MICU1: variants seen among roughly 807,000 people sequenced by gnomAD.
The protein encoded by MICU1 is calcium uptake protein 1, mitochondrial.
A neutral mutation model predicts 56.8 loss-of-function variants in MICU1; 45 were observed. The observed-to-expected ratio is 0.79, with a 90% CI of 0.62 to 1.02. The LOEUF is 1.02. MICU1 is among the 50% of genes least tolerant of loss of function. The pLI is 0.00. For synonymous variants in MICU1, 186 were observed against 195.1 expected (o/e 0.95, Z 0.39); for missense variants, 504 against 587.1 (o/e 0.86, Z 1.46).
intron 1 of MICU1, among the ~76,000 whole-genome samples, chr10:72,583,445 T>G (rs1290651336): frequency 6.6e-6 from 1 of 152,108 alleles, no homozygotes; most frequent in Admixed American, 6.6e-5. Context: ...CACACCTGGC[T>G]AATTTTTGTA....
intron 3 of MICU1, 57 bp downstream of exon 3, chr10:72,562,838 T>C (rs1426432953): frequency 1.5e-6 from 2 of 1,323,156 alleles, no homozygotes; most frequent in Admixed American, 6.3e-5. Context: ...AAGATTGAAC[T>C]GCATTATTCT....
chr10:72,444,351 AC>A (rs1459078437), intron 8 of MICU1, among the ~76,000 whole-genome samples: 2 of 151,818 alleles, frequency 1.3e-5, no homozygotes, highest in Non-Finnish European at 2.9e-5. Flanking sequence ...GTGCACATGT[AC>A]CCTAAAACTT....
chr10:72,412,811 A>G (rs1230483512), intron 9 of MICU1, among the ~76,000 whole-genome samples: 1 of 149,558 alleles, frequency 6.7e-6, no homozygotes, highest in African/African-American at 2.5e-5. Context: ...AGATTGCGCC[A>G]TTGCACTCCA....
chr10:72,393,604 T>C (rs1863151408), intron 10 of MICU1, among the ~76,000 whole-genome samples: 1 of 152,162 alleles, frequency 6.6e-6, no homozygotes, highest in Non-Finnish European at 1.5e-5. Flanking sequence ...ATGGCATAGG[T>C]AGCCCTGTGT....
chr10:72,472,271 C>G (rs1655368796), intron 8 of MICU1, among the ~76,000 whole-genome samples: 1 of 152,156 alleles, frequency 6.6e-6, no homozygotes, highest in Non-Finnish European at 1.5e-5. Flanking sequence ...ACGTCGCTAA[C>G]TAGAATATTT....
At chr10:72,375,960 T>C (rs994185814) in intron 10 of MICU1, 88 bp from the exon 11 acceptor site, 1 of 1,231,744 alleles carries the variant, frequency 8.1e-7, no homozygotes, top group African/African-American at 1.5e-5. Context: ...TCAGTCATAA[T>C]ACAAGTTTTC....
intron 1 of MICU1, among the ~76,000 whole-genome samples, chr10:72,610,831 A>G (rs187033945): frequency 3.4e-4 from 52 of 152,316 alleles, no homozygotes; most frequent in African/African-American, 9.6e-4. Context: ...GAGGGTGAAT[A>G]CAGAGGGGCA....
intron 8 of MICU1, among the ~76,000 whole-genome samples, chr10:72,457,284 C>T (rs1261508616): frequency 1.3e-5 from 2 of 149,244 alleles, no homozygotes; most frequent in Non-Finnish European, 3.0e-5. Context: ...AGGGCGCAAT[C>T]ACAGCTCACT....
intron 5 of MICU1, among the ~76,000 whole-genome samples, chr10:72,524,140 A>AC (rs1185696275): frequency 1.3e-5 from 2 of 152,132 alleles, no homozygotes; most frequent in African/African-American, 4.8e-5. Context: ...TTTTTGTTTT[A>AC]GAGACAGGGT....
At chr10:72,497,335 G>T (rs1395556248) in intron 6 of MICU1, among the ~76,000 whole-genome samples, 1 of 152,176 alleles carries the variant, frequency 6.6e-6, no homozygotes, top group East Asian at 1.9e-4. Context: ...TGGGATTACA[G>T]GTGTGAGCCA....
At position 72,566,493 on chromosome 10, in the gene MICU1, G is replaced by A; in HGVS notation, c.161+140C>T. The A allele has an allele frequency of 1.2e-5, 10 of 840,030 alleles. No individual in the cohort carries two copies. In the South Asian group the frequency reaches 1.3e-4, roughly 11 times the overall value. 52.0% of individuals were successfully genotyped at this position (840,030 alleles called of 1,614,324 possible). ...ATTCTTTGAAACATCTTATTTCATA[G>A]ACGAATATTAACAATACCAAATGAT... is the stretch of plus-strand genomic sequence containing the variant. On this transcript the variant is annotated intron_variant, in intron 2 of 11. Coordinates refer to ENST00000361114, the MANE Select transcript of MICU1 (RefSeq NM_001195518.2).
chr10:72,456,946 GGTGTGTGTGTGTGTGTGT>G (rs71018292), intron 8 of MICU1, among the ~76,000 whole-genome samples: 22 of 117,698 alleles, frequency 1.9e-4, no homozygotes, highest in Admixed American at 1.7e-3. Flanking sequence ...ATATTGCCCA[GGTGTGTGTGTGTGTGTGT>G]GTGTGTGTGT....
intron 5 of MICU1, among the ~76,000 whole-genome samples, chr10:72,528,999 C>T (rs909847620): frequency 4.6e-5 from 7 of 152,150 alleles, no homozygotes; most frequent in Non-Finnish European, 7.4e-5. Context: ...TCCATCTGTT[C>T]CTCTACTAAT....
intron 8 of MICU1, among the ~76,000 whole-genome samples, chr10:72,425,436 G>C (rs1013158252): frequency 2.6e-5 from 4 of 152,208 alleles, no homozygotes; most frequent in African/African-American, 9.6e-5. Flanking sequence ...CCTCGCCTCT[G>C]TTTTGTTTCA....
intron 4 of MICU1, among the ~76,000 whole-genome samples, chr10:72,539,171 C>T (rs1205458417): frequency 1.3e-5 from 2 of 151,984 alleles, no homozygotes; most frequent in African/African-American, 2.4e-5. Context: ...CTTTCAGTAA[C>T]GGGCAGATCA....
intron 6 of MICU1, among the ~76,000 whole-genome samples, chr10:72,496,340 C>T (rs1251352739): frequency 2.0e-5 from 3 of 149,138 alleles, no homozygotes; most frequent in South Asian, 2.1e-4. Context: ...CTTGTTCTGA[C>T]GCCCAGGCTG....
At chr10:72,396,858 T>C (rs1430643924) in intron 10 of MICU1, among the ~76,000 whole-genome samples, 1 of 152,134 alleles carries the variant, frequency 6.6e-6, no homozygotes, top group East Asian at 1.9e-4. Context: ...TGGAAAACAC[T>C]CTTCAGGATA....
At chr10:72,452,487 G>C (rs1865329253) in intron 8 of MICU1, among the ~76,000 whole-genome samples, 1 of 152,190 alleles carries the variant, frequency 6.6e-6, no homozygotes, top group African/African-American at 2.4e-5. Flanking sequence ...CCAGCAGAGA[G>C]AGGCAGGTAT....
chr10:72,619,557 TATG>T (rs1842054716), intron 1 of MICU1, among the ~76,000 whole-genome samples: 1 of 152,234 alleles, frequency 6.6e-6, no homozygotes, highest in Non-Finnish European at 1.5e-5. Flanking sequence ...GTACTCAGGA[TATG>T]ATGATGAATA....
Sources: allele counts gnomAD v4.1 joint callset (sites outside exome capture counted in the v4.1 genomes callset), GRCh38; gene constraint gnomAD v4.1.1; transcripts MANE v1.5; gene names NCBI Gene and HGNC (gene_info 2026-07-23, HGNC 2026-07-21).